ARL6IP6: variants seen among roughly 807,000 people sequenced by gnomAD.
ARL6IP6 encodes ADP-ribosylation factor-like protein 6-interacting protein 6.
A neutral mutation model predicts 21.5 loss-of-function variants in ARL6IP6; 22 were observed. The ratio of observed to expected loss-of-function variants is 1.02; its 90% CI spans 0.73 to 1.46. ARL6IP6 has a LOEUF of 1.46. Among genes scored for constraint, ARL6IP6 ranks in the 40% most tolerant of loss-of-function variants. The pLI is 0.00. For synonymous variants in ARL6IP6, 164 were observed against 125.3 expected, an observed-to-expected ratio of 1.31 and a Z score of -2.06; for missense variants, 388 against 299.8, an observed-to-expected ratio of 1.29 and a Z score of -2.17.
At chr2:152,725,216 GA>G (rs1456513533) in intron 2 of ARL6IP6, among the ~76,000 whole-genome samples, 1 of 152,070 alleles carries the variant, frequency 6.6e-6, no homozygotes. Flanking sequence ...TTTTAATTTT[GA>G]AATACGTTTT....
chr2:152,742,058 C>T (rs916777079), intron 3 of ARL6IP6, among the ~76,000 whole-genome samples: 2 of 152,176 alleles, frequency 1.3e-5, no homozygotes, highest in African/African-American at 4.8e-5. Context: ...TCTACACTAC[C>T]TACTCAACAT....
At chr2:152,750,345 G>A (rs1002502145) in intron 3 of ARL6IP6, among the ~76,000 whole-genome samples, 23 of 151,910 alleles carry the variant, frequency 1.5e-4, no homozygotes, top group African/African-American at 5.6e-4. Flanking sequence ...ATGGTGACAC[G>A]TGTGTTTGTG....
upstream of ARL6IP6, chr2:152,718,414 C>T: frequency 3.3e-6 from 2 of 604,514 alleles, no homozygotes; most frequent in Non-Finnish European, 5.0e-6. Flanking sequence ...GGCTACAGCC[C>T]TGGGGTCGAG....
Position 152,718,804 on chromosome 2 carries a change from G to C in ARL6IP6, c.180G>C (p.Ser60=), listed in dbSNP as rs1699445163. Residue 60 remains serine, a synonymous_variant, in exon 1 of 4, where the codon TCG becomes TCC. Transcript: ENST00000326446. ...CCCGCGACCTGCGGGCGGAGTTCTC[G>C]GCTGGGGCGTGGTCAGAGCCCAGAA... is the stretch of plus-strand genomic sequence containing the variant. The part of the protein sequence containing the change: ...QVARDLRAEF[S]AGAWSEPRKR... 1 of 1,607,170 alleles carries C rather than the reference G, an allele frequency of 6.2e-7. No homozygotes were observed. The highest frequency in any genetic ancestry group is 8.5e-7 in the Non-Finnish European group (1 of 1,176,798).
At chr2:152,734,796 T>C (rs73020870) in intron 2 of ARL6IP6, among the ~76,000 whole-genome samples, 198 bp from the exon 3 acceptor site, 3,263 of 152,360 alleles carry the variant, frequency 0.021, 120 homozygotes, top group African/African-American at 0.074. Context: ...TTCAATGATA[T>C]GACTTCTAGT....
intron 3 of ARL6IP6, among the ~76,000 whole-genome samples, chr2:152,751,741 G>A (rs1451042774): frequency 1.3e-5 from 2 of 151,968 alleles, no homozygotes; most frequent in African/African-American, 2.4e-5. Context: ...ATTCTGTTGT[G>A]TATATGTACC....
chr2:152,722,935 G>T (rs1699861835), intron 2 of ARL6IP6, among the ~76,000 whole-genome samples: 1 of 152,086 alleles, frequency 6.6e-6, no homozygotes, highest in Non-Finnish European at 1.5e-5. Flanking sequence ...TGAGGTAATT[G>T]TGGCAACACC....
rs1441962565 is a variant in ARL6IP6, at chr2:152,719,914, G to C, written c.401-619G>C. The C allele has an allele frequency of 2.1e-5, 10 of 470,310 alleles. No homozygotes were observed. The Admixed American group carries it at 2.4e-4, about 11-fold the overall frequency. 29.1% of individuals were successfully genotyped at this position (470,310 alleles called of 1,614,324 possible). ...GCTTCCCAGCGTTTAGTGGGCTACA[G>C]ATGGCATGGCATCTAAAACCTTACA... On this transcript the variant is annotated intron_variant, in intron 1 of 3. Coordinates refer to ENST00000326446, the MANE Select transcript of ARL6IP6 (RefSeq NM_152522.7).
chr2:152,735,628 G>A (rs1700516536), intron 3 of ARL6IP6, among the ~76,000 whole-genome samples: 1 of 151,900 alleles, frequency 6.6e-6, no homozygotes, highest in Non-Finnish European at 1.5e-5. Flanking sequence ...AAATTTCTTT[G>A]GTCTATATTT....
chr2:152,723,983 C>T (rs1050167516), intron 2 of ARL6IP6, among the ~76,000 whole-genome samples: 3 of 151,912 alleles, frequency 2.0e-5, no homozygotes, highest in African/African-American at 7.3e-5. Flanking sequence ...TGTTACAGTG[C>T]TATCTGTGGC....
intron 1 of ARL6IP6, 74 bp from the exon 2 acceptor site, chr2:152,720,459 G>C: frequency 7.0e-7 from 1 of 1,424,986 alleles, no homozygotes; most frequent in Non-Finnish European, 9.9e-7. Flanking sequence ...GCTCCACAAT[G>C]CCTTCACAGC....
At chr2:152,747,388 C>G (rs999567848) in intron 3 of ARL6IP6, among the ~76,000 whole-genome samples, 2 of 152,152 alleles carry the variant, frequency 1.3e-5, no homozygotes, top group Non-Finnish European at 2.9e-5. Flanking sequence ...GTTTAGAACA[C>G]TAAATCCCTC....
intron 3 of ARL6IP6, among the ~76,000 whole-genome samples, chr2:152,752,052 T>C (rs944393184): frequency 3.9e-5 from 6 of 152,230 alleles, no homozygotes; most frequent in African/African-American, 1.4e-4. Context: ...TTGATCTAAA[T>C]TACGTAATAA....
chr2:152,730,926 A>G (rs1487733434), intron 2 of ARL6IP6, among the ~76,000 whole-genome samples: 2 of 152,152 alleles, frequency 1.3e-5, no homozygotes, highest in African/African-American at 4.8e-5. Context: ...CCCTTTCCCC[A>G]TTTACACACA....
chr2:152,739,696 G>T (rs976145467), intron 3 of ARL6IP6, among the ~76,000 whole-genome samples: 1 of 152,044 alleles, frequency 6.6e-6, no homozygotes, highest in African/African-American at 2.4e-5. Flanking sequence ...GCAGCAACCC[G>T]CTCTACCGGT....
Position 152,718,749 on chromosome 2 carries a change from T to C in ARL6IP6, c.125T>C (p.Val42Ala), listed in dbSNP as rs1699428837. The change falls in exon 1 of 4, where the codon GTC becomes GCC. Residue 42 changes from valine to alanine, a missense_variant. Physicochemically the swap from Val to Ala is moderately conservative, Grantham distance 64. Transcript: ENST00000326446. ...TQGDSWGEGEVDEEEGCDQVA... is the reference protein window; with the variant it reads ...TQGDSWGEGEADEEEGCDQVA... ...GGGGACAGCTGGGGTGAAGGCGAAG[T>C]CGACGAGGAGGAGGGATGCGACCAA... 6.2e-7 allele frequency: 1 copy of C among 1,610,488 alleles called. No individual in the cohort carries two copies. The highest frequency in any genetic ancestry group is 1.3e-5 in the African/African-American group (1 of 74,854).
chr2:152,737,363 C>A (rs1358403231), intron 3 of ARL6IP6, among the ~76,000 whole-genome samples: 1 of 152,080 alleles, frequency 6.6e-6, no homozygotes, highest in African/African-American at 2.4e-5. Flanking sequence ...TGTTAAAGAT[C>A]TGCTATTCTG....
intron 3 of ARL6IP6, among the ~76,000 whole-genome samples, chr2:152,746,728 G>GT (rs780170187): frequency 1.3e-5 from 2 of 150,662 alleles, no homozygotes; most frequent in Non-Finnish European, 3.0e-5. Flanking sequence ...TTTTCTTAAG[G>GT]TTTTTTGAGC....
upstream of ARL6IP6, chr2:152,717,750 C>A: frequency 1.5e-6 from 2 of 1,298,570 alleles, no homozygotes; most frequent in Non-Finnish European, 2.0e-6. Context: ...CGAGCTTAGA[C>A]CGCCTCACCC....
Sources: allele counts gnomAD v4.1 joint callset (sites outside exome capture counted in the v4.1 genomes callset), GRCh38; gene constraint gnomAD v4.1.1; transcripts MANE v1.5; gene names NCBI Gene and HGNC (gene_info 2026-07-23, HGNC 2026-07-21).